The following ZYG11B variants were observed in gnomAD, a reference collection of about 807,000 sequenced individuals.
ZYG11B encodes the protein zyg-11 family member B, cell cycle regulator, also known as protein zyg-11 homolog B.
A neutral mutation model predicts 82.4 loss-of-function variants in ZYG11B; 36 were observed. The observed-to-expected ratio is 0.44, with a 90% CI of 0.33 to 0.58. The LOEUF is 0.58. Among genes scored for constraint, ZYG11B ranks in the 20% least tolerant of loss-of-function variants. The pLI is 0.02. For missense variants in ZYG11B, 552 were observed against 895.6 expected (o/e 0.62, Z 4.90); for synonymous variants, 303 against 312.8 (o/e 0.97, Z 0.33).
At chr1:52,811,051 A>AAAAAGAG (rs1553263650) in intron 10 of ZYG11B, among the ~76,000 whole-genome samples, 1 of 142,908 alleles carries the variant, frequency 7.0e-6, no homozygotes. Context: ...AAAAAAAAAA[A>AAAAAGAG]AGAGAAATTT....
rs747809612 is a variant in ZYG11B at position 52,811,033 on chromosome 1, CAAAAAAAA to C, written c.1696-2491_1696-2484del. 1.5e-4 allele frequency among the ~76,000 whole-genome samples: 6 copies of C among 40,816 alleles called. No homozygotes were observed. In the South Asian group the frequency reaches 4.3e-3, roughly 30 times the overall value. The allele number at this position is 40,816 out of a possible 152,430, so 26.8% of individuals were successfully genotyped here. On this transcript the variant is annotated intron_variant, in intron 10 of 13. Transcript: ENST00000294353. ...TGAGCGACCGAGCAAGGCTCCGTCT[CAAAAAAAA>C]AAAAAAAAAAAGAGAAATTTATCTT... is the stretch of plus-strand genomic sequence containing the variant.
At chr1:52,797,440 A>G (rs1298531974) in intron 8 of ZYG11B, among the ~76,000 whole-genome samples, 4 of 123,046 alleles carry the variant, frequency 3.3e-5, no homozygotes, top group Non-Finnish European at 6.3e-5. Flanking sequence ...TATATAACAT[A>G]TATATTATAT....
intron 1 of ZYG11B, among the ~76,000 whole-genome samples, chr1:52,746,209 C>T (rs999708350): frequency 2.6e-5 from 4 of 152,036 alleles, no homozygotes; most frequent in African/African-American, 9.7e-5. Flanking sequence ...GCCTTGGCCC[C>T]CCAAAACGTT....
Position 52,796,772 on chromosome 1 carries a change from C to G in ZYG11B, c.1473C>G (p.Leu491=). The change falls in exon 8 of 14, where the codon CTC becomes CTG. Residue 491 remains leucine, a synonymous_variant. Transcript: ENST00000294353. ...AAACTGCACAGCTTGGTACTGAGCT[C>G]TTCATTGTCAGGGTAAGTCTATAAT... ...TEQTAQLGTE[L]FIVRQLLQIV... 2 of 1,565,268 alleles carry G rather than the reference C, an allele frequency of 1.3e-6. No individual in the cohort carries two copies. The highest frequency in any genetic ancestry group is 1.7e-6 in the Non-Finnish European group (2 of 1,158,746).
chr1:52,807,592 AG>A (rs1278146831), intron 10 of ZYG11B, among the ~76,000 whole-genome samples: 1 of 151,618 alleles, frequency 6.6e-6, no homozygotes, highest in Non-Finnish European at 1.5e-5. Context: ...CCTGGGCTAA[AG>A]CAATTCCCCA....
chr1:52,772,643 AC>A, intron 3 of ZYG11B: 1 of 901,664 alleles, frequency 1.1e-6, no homozygotes. Context: ...CACGCATACG[AC>A]CCATGATGGC....
At chr1:52,812,969 G>A (rs1645196315) in intron 10 of ZYG11B, among the ~76,000 whole-genome samples, 1 of 152,106 alleles carries the variant, frequency 6.6e-6, no homozygotes, top group Non-Finnish European at 1.5e-5. Flanking sequence ...TCTCAGGTAT[G>A]AGCCACCACA....
At chr1:52,751,698 A>G (rs2149926967) in intron 1 of ZYG11B, among the ~76,000 whole-genome samples, 1 of 152,158 alleles carries the variant, frequency 6.6e-6, no homozygotes, top group African/African-American at 2.4e-5. Flanking sequence ...TTAGCTCCCA[A>G]ACCCCTTGGA....
intron 4 of ZYG11B, among the ~76,000 whole-genome samples, chr1:52,783,329 TA>T (rs1484395341): frequency 1.3e-5 from 2 of 152,154 alleles, no homozygotes; most frequent in Non-Finnish European, 2.9e-5. Context: ...TGATTTTTTT[TA>T]ATAGGAAAAA....
In ZYG11B at chr1:52,821,420, G is replaced by GT. The variant is rs561627258; in HGVS notation, c.2045-10dup. ...AAGCTATTTCTCCTGTTTTGTGTGT[G>GT]TTTTTTTTTCTTTTTCAGCTTCAAG... On this transcript the variant is annotated intron_variant, in intron 13 of 13. Coordinates refer to ENST00000294353, the MANE Select transcript of ZYG11B (RefSeq NM_024646.3). The GT allele has an allele frequency of 3.1e-3, 4,635 of 1,486,004 alleles. 1 individual carries two copies. The highest frequency in any genetic ancestry group is 0.011 in the South Asian group (792 of 75,180). 92.1% of individuals were successfully genotyped at this position (1,486,004 alleles called of 1,614,324 possible). A position where few individuals can be genotyped will look rare whatever the true frequency, so the allele number is the denominator to read the frequency against.
rs1437120311 is a variant in ZYG11B at position 52,796,405 on chromosome 1, T to G, written c.1434+14T>G. 1 of 1,602,836 alleles carries G rather than the reference T, an allele frequency of 6.2e-7. No individual in the cohort carries two copies. Among genetic ancestry groups the G allele is most frequent in the East Asian group, 2.2e-5 (1 of 44,780 alleles). ...CTGGCTGCCAAGGTACCTGAACTCT[T>G]GCTGAATAATTTTCTGTAGACAGCT... On this transcript the variant is annotated intron_variant, in intron 7 of 13. Coordinates refer to ENST00000294353, the MANE Select transcript of ZYG11B (RefSeq NM_024646.3).
chr1:52,772,126 T>A lies in ZYG11B; in HGVS notation c.951+352T>A, dbSNP rs543698626. 1,354 of 1,047,038 alleles carry A rather than the reference T, an allele frequency of 1.3e-3. 8 individuals are homozygous for A. The African/African-American group carries it at 0.018, about 14-fold the overall frequency. The allele number at this position is 1,047,038 out of a possible 1,614,324, so 64.9% of individuals were successfully genotyped here. A position where few individuals can be genotyped will look rare whatever the true frequency, so the allele number is the denominator to read the frequency against. ...ATTTTGAACCATTTACATATATGGT[T>A]TTTTTGTTTTTGTTTTTGTTTTATT... On this transcript the variant is annotated intron_variant, in intron 3 of 13. Coordinates refer to ENST00000294353, the MANE Select transcript of ZYG11B (RefSeq NM_024646.3).
At chr1:52,803,178 A>G (rs1211891272) in intron 10 of ZYG11B, among the ~76,000 whole-genome samples, 1 of 85,624 alleles carries the variant, frequency 1.2e-5, no homozygotes, top group African/African-American at 9.8e-5. Flanking sequence ...ACACACATAT[A>G]TATATATATA....
At chr1:52,768,458 A>G (rs1375977193) in intron 2 of ZYG11B, among the ~76,000 whole-genome samples, 4 of 152,020 alleles carry the variant, frequency 2.6e-5, no homozygotes, top group African/African-American at 9.7e-5. Context: ...CACTGCATCT[A>G]TGGCTCTAGC....
intron 10 of ZYG11B, among the ~76,000 whole-genome samples, chr1:52,803,169 C>T (rs947843793): frequency 0.12 from 3,944 of 33,572 alleles, 583 homozygotes; most frequent in East Asian, 0.65. Context: ...TATATATATA[C>T]ACACATATAT....
intron 4 of ZYG11B, 76 bp downstream of exon 4, chr1:52,780,069 A>G (rs1644842559): frequency 6.9e-7 from 1 of 1,456,172 alleles, no homozygotes; most frequent in African/African-American, 1.4e-5. Flanking sequence ...AAAATTGGTG[A>G]AAATTTGCAT....
chr1:52,821,305 A>G, intron 13 of ZYG11B, 134 bp from the exon 14 acceptor site: 1 of 769,140 alleles, frequency 1.3e-6, no homozygotes, highest in Non-Finnish European at 2.0e-6. Flanking sequence ...ATCAAGCTGT[A>G]GCATGTTAGT....
intron 6 of ZYG11B, 100 bp from the exon 7 acceptor site, chr1:52,796,192 T>A: frequency 1.2e-6 from 1 of 814,248 alleles, no homozygotes; most frequent in Non-Finnish European, 2.0e-6. Flanking sequence ...TTCCCTTGCC[T>A]TTTCATATAT....
intron 10 of ZYG11B, among the ~76,000 whole-genome samples, chr1:52,802,559 C>T (rs1645085083): frequency 6.6e-6 from 1 of 151,510 alleles, no homozygotes; most frequent in Non-Finnish European, 1.5e-5. Context: ...CCATGTTGCC[C>T]AGGATGGTCT....
Sources: gnomAD v4.1 joint callset for allele counts (sites outside exome capture counted in the v4.1 genomes callset) on GRCh38, gnomAD v4.1.1 for gene constraint, MANE v1.5 for transcripts, NCBI Gene and HGNC (gene_info 2026-07-23, HGNC 2026-07-21) for gene names.